Variants in AR observed in about 807,000 individuals in gnomAD.
The protein encoded by AR is androgen receptor.
AR carries 8 observed loss-of-function variants against 53.9 expected under a neutral mutation model. That is an observed-to-expected ratio of 0.15 (90% CI 0.09 to 0.27). The LOEUF is 0.27. Ranked by LOEUF, AR falls within the 10% of genes least tolerant of loss-of-function variation. The pLI is 1.00. For synonymous variants in AR, 359 were observed against 316.4 expected (o/e 1.13, Z -1.43); for missense variants, 639 against 742.5 (o/e 0.86, Z 1.62).
intron 1 of AR, among the ~76,000 whole-genome samples, chrX:67,616,816 A>C (rs921081891): frequency 9.0e-6 from 1 of 111,285 alleles, no homozygotes; most frequent in Non-Finnish European, 1.9e-5. Flanking sequence ...AACAAGCCCC[A>C]GCTACTCTTA....
chrX:67,627,337 A>T (rs1195424811), intron 1 of AR, among the ~76,000 whole-genome samples: 1 of 111,823 alleles, frequency 8.9e-6, no homozygotes, highest in Non-Finnish European at 1.9e-5. Flanking sequence ...CTGGCGTGAG[A>T]TGATATCTCA....
At chrX:67,677,122 C>T (rs894754404) in intron 2 of AR, among the ~76,000 whole-genome samples, 16 of 110,329 alleles carry the variant, frequency 1.5e-4, no homozygotes, top group African/African-American at 5.3e-4. Flanking sequence ...AGACTGAAGG[C>T]GAACCAGGAT....
intron 1 of AR, among the ~76,000 whole-genome samples, chrX:67,548,341 T>C (rs1392300574): frequency 1.8e-5 from 2 of 112,152 alleles, no homozygotes; most frequent in Non-Finnish European, 3.8e-5. Flanking sequence ...GAGGGTTCAT[T>C]TGATATTGTC....
chrX:67,709,910 G>A (rs1002669377), intron 3 of AR, among the ~76,000 whole-genome samples: 13 of 111,814 alleles, frequency 1.2e-4, no homozygotes, highest in African/African-American at 4.2e-4. Context: ...GACCTTCAAG[G>A]CCACTTTTAA....
chrX:67,683,846 T>C (rs750342620), intron 2 of AR, among the ~76,000 whole-genome samples: 1 of 110,125 alleles, frequency 9.1e-6, no homozygotes, highest in African/African-American at 3.3e-5. Flanking sequence ...GTGTGAACTA[T>C]GCTAAGGAAA....
intron 1 of AR, among the ~76,000 whole-genome samples, chrX:67,567,423 CCCTT>C (rs1214258896): frequency 1.8e-5 from 2 of 111,347 alleles, no homozygotes; most frequent in African/African-American, 6.5e-5. Context: ...AGGCTTTCCT[CCCTT>C]CCTTTCCGAG....
intron 3 of AR, among the ~76,000 whole-genome samples, chrX:67,691,189 G>C (rs1278091896): frequency 8.9e-6 from 1 of 111,845 alleles, no homozygotes; most frequent in Non-Finnish European, 1.9e-5. Flanking sequence ...AAACACCTAG[G>C]ATTTGTAGTT....
At chrX:67,694,618 G>C in intron 3 of AR, 1 of 1,151,092 alleles carries the variant, frequency 8.7e-7, no homozygotes, top group Non-Finnish European at 1.1e-6. Context: ...GAGCCTGCTA[G>C]ATACAAGCCC....
rs900738172 is a variant in AR, at chrX:67,723,566, G to T, written c.2608-120G>T. ...GACCTCATGGGGGAGGACCAAGGAA[G>T]TACGGGGAAGGGGGAGGAAACAAAA... On this transcript the variant is annotated intron_variant, in intron 7 of 7. Transcript: ENST00000374690. 8.9e-6 allele frequency: 7 copies of T among 786,347 alleles called. No homozygotes were observed. In the Admixed American group the frequency reaches 1.6e-4, roughly 18 times the overall value. The allele number at this position is 786,347 out of a possible 1,213,427, so 64.8% of individuals were successfully genotyped here. A position where few individuals can be genotyped will look rare whatever the true frequency, so the allele number is the denominator to read the frequency against.
intron 2 of AR, among the ~76,000 whole-genome samples, chrX:67,648,206 G>A (rs763173488): frequency 9.0e-6 from 1 of 111,673 alleles, no homozygotes; most frequent in East Asian, 2.8e-4. Context: ...AAATAAATAA[G>A]TCTAGAAATG....
chrX:67,546,773 C>T lies in AR; in HGVS notation c.1616+11C>T, dbSNP rs1929782291. The T allele has an allele frequency of 8.3e-7, 1 of 1,199,746 alleles. No individual in the cohort carries two copies. The highest frequency in any genetic ancestry group is 1.1e-6 in the Non-Finnish European group (1 of 888,690). On this transcript the variant is annotated intron_variant, in intron 1 of 7. Coordinates refer to ENST00000374690, the MANE Select transcript of AR (RefSeq NM_000044.6). Reference sequence around the variant, plus strand: ...TTACGGGGACATGCGGTAAGTTTTTCCTTCCAGAAATGTCGCCTTTCGGCC... The same window carrying T: ...TTACGGGGACATGCGGTAAGTTTTTTCTTCCAGAAATGTCGCCTTTCGGCC...
At chrX:67,629,894 T>C (rs1315109355) in intron 1 of AR, among the ~76,000 whole-genome samples, 2 of 111,509 alleles carry the variant, frequency 1.8e-5, no homozygotes, top group African/African-American at 6.5e-5. Context: ...TTTCGTTATG[T>C]ACCCAGTAGT....
In AR at chrX:67,613,604, C is replaced by A. The variant is rs138780151; in HGVS notation, c.1617-29652C>A. On this transcript the variant is annotated intron_variant, in intron 1 of 7. Transcript: ENST00000374690. ...AGTTATGCATGTGTGCTTTACTGTA[C>A]CCTCTCAAAAGCAACCTAAACAGGA... Among the ~76,000 whole-genome samples the A allele has an allele frequency of 8.0e-3, 892 of 111,120 alleles. 5 individuals are homozygous for A. The highest frequency in any genetic ancestry group is 0.014 in the Non-Finnish European group (752 of 52,926).
At chrX:67,711,932 A>G (rs1330082163) in intron 4 of AR, among the ~76,000 whole-genome samples, 3 of 112,380 alleles carry the variant, frequency 2.7e-5, no homozygotes, top group Admixed American at 1.9e-4. Context: ...CACAGCAGTC[A>G]TGCTTTCATA....
At chrX:67,572,698 C>T (rs1454155579) in intron 1 of AR, among the ~76,000 whole-genome samples, 1 of 110,836 alleles carries the variant, frequency 9.0e-6, no homozygotes, top group Non-Finnish European at 1.9e-5. Context: ...AACTAAATTT[C>T]GAGTTGTAAG....
chrX:67,728,578 T>TAC lies in AR; in HGVS notation c.*4738_*4739insCA, dbSNP rs2076167629. ...GTATCCATGTTTCAAAATTGAAATA[T>TAC]ATATATATATATATATATATATATA... On this transcript the variant is annotated 3_prime_UTR_variant, in exon 8 of 8. Transcript: ENST00000374690. 2.7e-5 allele frequency: 2 copies of TAC among 74,650 alleles called. No individual in the cohort carries two copies. Among genetic ancestry groups the TAC allele is most frequent in the Non-Finnish European group, 5.3e-5 (2 of 37,956 alleles). The allele number at this position is 74,650 out of a possible 1,213,427, so 6.2% of individuals were successfully genotyped here.
chrX:67,665,417 G>A (rs1385652558), intron 2 of AR, among the ~76,000 whole-genome samples: 16 of 112,100 alleles, frequency 1.4e-4, no homozygotes, highest in Non-Finnish European at 3.0e-4. Flanking sequence ...GAACAAACTA[G>A]AAATCCAGTA....
At chrX:67,696,029 A>G in intron 3 of AR, 1 of 752,070 alleles carries the variant, frequency 1.3e-6, no homozygotes, top group Non-Finnish European at 1.6e-6. Context: ...TGAATGTTGC[A>G]TATTTCTACT....
chrX:67,568,766 T>A (rs756183572), intron 1 of AR: 45 of 1,006,855 alleles, frequency 4.5e-5, no homozygotes, highest in Non-Finnish European at 5.4e-5. Context: ...CCGTCCCTCC[T>A]CTTCCCAACC....
Sources: gnomAD v4.1 joint callset for allele counts (sites outside exome capture counted in the v4.1 genomes callset) on GRCh38, gnomAD v4.1.1 for gene constraint, MANE v1.5 for transcripts, NCBI Gene and HGNC (gene_info 2026-07-23, HGNC 2026-07-21) for gene names.